ASIC2: variants seen among roughly 807,000 people sequenced by gnomAD.
The protein encoded by ASIC2 is acid sensing ion channel subunit 2.
A neutral mutation model predicts 57.3 loss-of-function variants in ASIC2; 25 were observed. That is an observed-to-expected ratio of 0.44 (90% CI 0.32 to 0.61). The LOEUF (loss-of-function observed/expected upper bound fraction) is 0.61. ASIC2 is among the 20% of genes least tolerant of loss of function. The pLI is 0.06. For synonymous variants in ASIC2, 319 were observed against 307.5 expected, an observed-to-expected ratio of 1.04 and a Z score of -0.39; for missense variants, 641 against 738.1, an observed-to-expected ratio of 0.87 and a Z score of 1.52.
chr17:33,693,365 G>A (rs1174541852), intron 1 of ASIC2, among the ~76,000 whole-genome samples: 1 of 152,052 alleles, frequency 6.6e-6, no homozygotes, highest in Non-Finnish European at 1.5e-5. Flanking sequence ...CTTTTCCTTG[G>A]CCTGAGCTTG....
intron 1 of ASIC2, among the ~76,000 whole-genome samples, chr17:34,062,155 TG>T (rs1429689485): frequency 1.3e-5 from 2 of 152,084 alleles, no homozygotes; most frequent in Non-Finnish European, 1.5e-5. Flanking sequence ...TTAAGAAAAT[TG>T]AAATTATATC....
At chr17:33,930,544 CTG>C (rs776274466) in intron 1 of ASIC2, among the ~76,000 whole-genome samples, 5 of 152,236 alleles carry the variant, frequency 3.3e-5, no homozygotes, top group Non-Finnish European at 5.9e-5. Context: ...CCATCGCTGT[CTG>C]TGAATATGCC....
intron 3 of ASIC2, among the ~76,000 whole-genome samples, chr17:33,042,039 T>G (rs7225507): frequency 0.039 from 6,015 of 152,304 alleles, 407 homozygotes; most frequent in African/African-American, 0.14. Flanking sequence ...GCCTGCTTTT[T>G]GAGCCATAAT....
intron 1 of ASIC2, among the ~76,000 whole-genome samples, chr17:33,930,861 A>C (rs1915915898): frequency 6.6e-6 from 1 of 152,088 alleles, no homozygotes; most frequent in Admixed American, 6.5e-5. Flanking sequence ...CAGATTTTAC[A>C]ACTCCCTTGT....
chr17:33,616,073 C>A (rs1212838597), intron 1 of ASIC2, among the ~76,000 whole-genome samples: 2 of 152,224 alleles, frequency 1.3e-5, no homozygotes, highest in African/African-American at 4.8e-5. Context: ...AATGCATTAG[C>A]AGGTCTTGGC....
intron 1 of ASIC2, among the ~76,000 whole-genome samples, chr17:33,535,382 C>G (rs1266046910): frequency 6.6e-6 from 1 of 151,692 alleles, no homozygotes; most frequent in East Asian, 1.9e-4. Context: ...ATGCCATTCT[C>G]CTGCCTCAGC....
chr17:33,520,829 G>A (rs1050849017), intron 1 of ASIC2, among the ~76,000 whole-genome samples: 3 of 152,196 alleles, frequency 2.0e-5, no homozygotes, highest in Non-Finnish European at 1.5e-5. Context: ...CTCTTCCCCA[G>A]GGGGAAATGA....
At chr17:33,809,245 G>C (rs945455696) in intron 1 of ASIC2, among the ~76,000 whole-genome samples, 4 of 152,196 alleles carry the variant, frequency 2.6e-5, no homozygotes, top group African/African-American at 4.8e-5. Context: ...GGTCACTGGG[G>C]CCTTCATCTC....
intron 1 of ASIC2, among the ~76,000 whole-genome samples, chr17:33,199,312 G>A (rs1467361407): frequency 2.6e-5 from 4 of 152,204 alleles, no homozygotes; most frequent in Non-Finnish European, 5.9e-5. Flanking sequence ...TGTGTCTGAC[G>A]CGTGAGAAGC....
At chr17:33,289,772 G>A (rs1405938042) in intron 1 of ASIC2, among the ~76,000 whole-genome samples, 2 of 152,176 alleles carry the variant, frequency 1.3e-5, no homozygotes, top group African/African-American at 4.8e-5. Flanking sequence ...ACTTTGCAAA[G>A]CAATAGTCAG....
chr17:33,289,812 C>A (rs560121106), intron 1 of ASIC2, among the ~76,000 whole-genome samples: 6 of 152,316 alleles, frequency 3.9e-5, no homozygotes, highest in African/African-American at 1.4e-4. Flanking sequence ...ATGGGCCATG[C>A]TGTAAAACTT....
At chr17:33,296,235 T>A (rs1174755007), upstream of ASIC2, among the ~76,000 whole-genome samples, 4 of 152,222 alleles carry the variant, frequency 2.6e-5, no homozygotes, top group Non-Finnish European at 5.9e-5. Context: ...TTTTCTCTAC[T>A]TTAAAGAGGA....
At chr17:33,305,964 T>C (rs1597675018) in intron 1 of ASIC2, among the ~76,000 whole-genome samples, 1 of 152,238 alleles carries the variant, frequency 6.6e-6, no homozygotes, top group Admixed American at 6.5e-5. Context: ...ATTCGATACA[T>C]GGCTCAATAT....
intron 3 of ASIC2, among the ~76,000 whole-genome samples, chr17:33,081,720 C>T (rs1185345555): frequency 1.3e-5 from 2 of 152,162 alleles, no homozygotes; most frequent in Non-Finnish European, 2.9e-5. Context: ...TTGTCAAAAG[C>T]AGGCAGTGGG....
chr17:33,271,507 C>T (rs750439468), intron 1 of ASIC2, among the ~76,000 whole-genome samples: 7 of 152,208 alleles, frequency 4.6e-5, no homozygotes, highest in Admixed American at 2.6e-4. Flanking sequence ...TCTCCCCCAG[C>T]CTTCCATTCT....
At chr17:33,621,299 T>C (rs1249342730) in intron 1 of ASIC2, among the ~76,000 whole-genome samples, 2 of 152,244 alleles carry the variant, frequency 1.3e-5, no homozygotes, top group Admixed American at 6.5e-5. Flanking sequence ...GTACCCTGAA[T>C]GCCCACAATA....
chr17:33,643,146 TTC>T (rs886792782), intron 1 of ASIC2, among the ~76,000 whole-genome samples: 6 of 58,104 alleles, frequency 1.0e-4, no homozygotes, highest in Non-Finnish European at 1.9e-4. Context: ...ACATGCTCAT[TTC>T]CCCCCCCCCA....
intron 1 of ASIC2, among the ~76,000 whole-genome samples, chr17:33,945,405 C>A (rs1041224024): frequency 1.3e-5 from 2 of 151,516 alleles, no homozygotes; most frequent in Non-Finnish European, 1.5e-5. Context: ...TCAGATGGAA[C>A]AAGGAGGCAT....
chr17:34,071,742 A>T (rs1035115272), intron 1 of ASIC2: 3 of 152,236 alleles, frequency 2.0e-5, no homozygotes, highest in African/African-American at 7.2e-5. Context: ...AGGCACAAGA[A>T]TCGCTTGAAC....
Sources: allele counts gnomAD v4.1 joint callset (sites outside exome capture counted in the v4.1 genomes callset), GRCh38; gene constraint gnomAD v4.1.1; transcripts MANE v1.5; gene names NCBI Gene and HGNC (gene_info 2026-07-23, HGNC 2026-07-21).